FLRT3: variants seen among roughly 807,000 people sequenced by gnomAD.
FLRT3 encodes the protein leucine-rich repeat transmembrane protein FLRT3.
A neutral mutation model predicts 42.6 loss-of-function variants in FLRT3; 17 were observed. The observed-to-expected ratio is 0.40, with a 90% CI of 0.27 to 0.60. The LOEUF is 0.60. FLRT3 is among the 20% of genes least tolerant of loss of function. The pLI is 0.44. For missense variants in FLRT3, 635 were observed against 789.2 expected, an observed-to-expected ratio of 0.80 and a Z score of 2.34; for synonymous variants, 279 against 286.4, an observed-to-expected ratio of 0.97 and a Z score of 0.26.
intron 1 of FLRT3, among the ~76,000 whole-genome samples, chr20:14,335,447 A>G (rs894593439): frequency 3.9e-5 from 6 of 152,004 alleles, no homozygotes; most frequent in African/African-American, 1.5e-4. Context: ...AGGCTCCTTA[A>G]TTAACACTTG....
chr20:14,326,769 G>T lies in FLRT3; in HGVS notation c.738C>A (p.Gly246=), dbSNP rs151151641. 435 of 1,613,806 alleles carry T rather than the reference G, an allele frequency of 2.7e-4. No individual in the cohort carries two copies. The highest frequency in any genetic ancestry group is 1.9e-3 in the South Asian group (169 of 91,078). ...SLTAAPVNLP[G]TNLRKLYLQD... ...GAAGATAAAGCTTCCTCAGGTTTGTGCCTGGAAGGTTTACTGGTGCAGCAG... is the reference window on the plus strand; with the variant it reads ...GAAGATAAAGCTTCCTCAGGTTTGTTCCTGGAAGGTTTACTGGTGCAGCAG... The change falls in exon 3 of 3, where the codon GGC becomes GGA. Residue 246 remains glycine, a synonymous_variant. Coordinates refer to ENST00000341420, the MANE Select transcript of FLRT3 (RefSeq NM_198391.3). This position sits in a 1 kb window ranked among gnomAD's most constrained non-coding sequence, Gnocchi z 5.5.
In FLRT3 at chr20:14,325,795, C is replaced by T; in HGVS notation, c.1712G>A (p.Arg571Lys). 4.3e-6 allele frequency: 7 copies of T among 1,613,958 alleles called. No homozygotes were observed. The highest frequency in any genetic ancestry group is 4.2e-6 in the Non-Finnish European group (5 of 1,179,880). Residue 571 changes from arginine (R) to lysine (K), a missense_variant, in exon 3 of 3, where the codon AGA becomes AAA. Coordinates refer to ENST00000341420, the MANE Select transcript of FLRT3 (RefSeq NM_198391.3). ...RNCAYSKGRR[R>K]KDDYAEAGTK... ...GCCAGCTTCTGCATAGTCATCCTTT[C>T]TTCTCCTCCCTTTGCTATATGCACA...
intron 2 of FLRT3, among the ~76,000 whole-genome samples, chr20:14,327,773 A>C (rs967309365): frequency 3.3e-5 from 5 of 152,158 alleles, no homozygotes; most frequent in Non-Finnish European, 5.9e-5. Flanking sequence ...TTTATAAATT[A>C]AAAAGTATCT....
chr20:14,331,423 A>G (rs1568562105), intron 1 of FLRT3, among the ~76,000 whole-genome samples: 1 of 152,134 alleles, frequency 6.6e-6, no homozygotes, highest in Non-Finnish European at 1.5e-5. Flanking sequence ...CACATTTGCC[A>G]TTCATACAAT....
intron 1 of FLRT3, among the ~76,000 whole-genome samples, chr20:14,335,575 C>T (rs1229169639): frequency 6.6e-6 from 1 of 152,050 alleles, no homozygotes; most frequent in African/African-American, 2.4e-5. Flanking sequence ...ATCTCACAAA[C>T]GTTATGTTTG....
rs2082691504 is a variant in FLRT3, at chr20:14,323,757, G to A, written c.*1800C>T. ...CCAGAAACAGGGACAAAGAGAAAGT[G>A]TGTATTTCACAGTATCACAAATGCC... On this transcript the variant is annotated 3_prime_UTR_variant, in exon 3 of 3. Coordinates refer to ENST00000341420, the MANE Select transcript of FLRT3 (RefSeq NM_198391.3). 6.6e-6 allele frequency: 1 copy of A among 152,166 alleles called. No individual in the cohort carries two copies. The highest frequency in any genetic ancestry group is 1.5e-5 in the Non-Finnish European group (1 of 68,034). The allele number at this position is 152,166 out of a possible 1,614,324, so 9.4% of individuals were successfully genotyped here. A position where few individuals can be genotyped will look rare whatever the true frequency, so the allele number is the denominator to read the frequency against.
chr20:14,326,201 A>G lies in FLRT3; in HGVS notation c.1306T>C (p.Leu436=), dbSNP rs1199291152. The change falls in exon 3 of 3, where the codon TTG becomes CTG. Residue 436 remains leucine (L), a synonymous_variant. Coordinates refer to ENST00000341420, the MANE Select transcript of FLRT3 (RefSeq NM_198391.3). This position sits in a 1 kb window ranked among gnomAD's most constrained non-coding sequence, Gnocchi z 5.5. ...CCCAGTTTAAGCCAGCTGAGTCTCA[A>G]AGCAGTCATAGGTAGAGCAAGTTTC... ...SWKLALPMTA[L]RLSWLKLGHS... is the part of the protein sequence containing the mutation. The G allele has an allele frequency of 6.2e-7, 1 of 1,613,906 alleles. No homozygotes were observed. The highest frequency in any genetic ancestry group is 1.1e-5 in the South Asian group (1 of 91,074).
Position 14,326,712 on chromosome 20 carries a change from A to C in FLRT3, c.795T>G (p.Asn265Lys). The change falls in exon 3 of 3, where the codon AAT becomes AAG. Residue 265 changes from asparagine (N) to lysine (K), a missense_variant. Coordinates refer to ENST00000341420, the MANE Select transcript of FLRT3 (RefSeq NM_198391.3). The surrounding 1 kb of genome is among the most constrained non-coding windows in gnomAD (Gnocchi z 5.5). ...AGAGCTGCCTTAGATAAGAAAAAGC[A>C]TTTGGGGGCACCCGATTGATGTGGT... The part of the protein sequence containing the change: ...QDNHINRVPP[N>K]AFSYLRQLYR... The C allele has an allele frequency of 6.2e-7, 1 of 1,613,750 alleles. No homozygotes were observed. Among genetic ancestry groups the C allele is most frequent in the Non-Finnish European group, 8.5e-7 (1 of 1,179,818 alleles).
At chr20:14,337,351 A>G (rs1369227918) in intron 1 of FLRT3, 53 bp downstream of exon 1, 1 of 332,916 alleles carries the variant, frequency 3.0e-6, no homozygotes, top group East Asian at 4.4e-5. Flanking sequence ...TAGAGAGTAA[A>G]ACCAAGCAAA....
chr20:14,328,034 T>G (rs1351112090), intron 2 of FLRT3, among the ~76,000 whole-genome samples: 1 of 152,066 alleles, frequency 6.6e-6, no homozygotes, highest in African/African-American at 2.4e-5. Flanking sequence ...GCAAAAACTA[T>G]ACAGGTGTAG....
Position 14,325,488 on chromosome 20 carries a change from G to T in FLRT3, c.*69C>A. ...TTTTCCAGTGTTTTGCAGTAGAACA[G>T]GGTTCCTACCATCACCTCCCTTAGG... On this transcript the variant is annotated 3_prime_UTR_variant, in exon 3 of 3. Coordinates refer to ENST00000341420, the MANE Select transcript of FLRT3 (RefSeq NM_198391.3). The T allele has an allele frequency of 2.7e-6, 4 of 1,481,986 alleles. No individual in the cohort carries two copies. The highest frequency in any genetic ancestry group is 3.6e-6 in the Non-Finnish European group (4 of 1,098,222). The allele number at this position is 1,481,986 out of a possible 1,614,324, so 91.8% of individuals were successfully genotyped here.
At chr20:14,336,294 A>G (rs2122642148) in intron 1 of FLRT3, among the ~76,000 whole-genome samples, 1 of 151,978 alleles carries the variant, frequency 6.6e-6, no homozygotes, top group Non-Finnish European at 1.5e-5. Flanking sequence ...TATTATTAAA[A>G]CCATTAGAGA....
chr20:14,331,666 T>G (rs1186007637), intron 1 of FLRT3, among the ~76,000 whole-genome samples: 1 of 152,134 alleles, frequency 6.6e-6, no homozygotes, highest in Non-Finnish European at 1.5e-5. Flanking sequence ...ATATCTTCTC[T>G]TTCCCATTTA....
intron 2 of FLRT3, among the ~76,000 whole-genome samples, chr20:14,328,094 C>G (rs1045875079): frequency 1.3e-5 from 2 of 152,066 alleles, no homozygotes; most frequent in African/African-American, 4.8e-5. Flanking sequence ...AATAGTTACA[C>G]ACATCTTGAG....
At chr20:14,334,171 G>T (rs957649091) in intron 1 of FLRT3, among the ~76,000 whole-genome samples, 35 of 152,100 alleles carry the variant, frequency 2.3e-4, no homozygotes, top group African/African-American at 8.2e-4. Flanking sequence ...TGTTTTCTCT[G>T]GGGTTTTCGT....
intron 2 of FLRT3, among the ~76,000 whole-genome samples, chr20:14,328,133 T>C (rs937415380): frequency 6.6e-6 from 1 of 152,120 alleles, no homozygotes; most frequent in Non-Finnish European, 1.5e-5. Flanking sequence ...ATAGTTTGCT[T>C]TGATTATTAA....
intron 1 of FLRT3, among the ~76,000 whole-genome samples, chr20:14,334,927 G>C (rs2082910244): frequency 6.6e-6 from 1 of 151,994 alleles, no homozygotes; most frequent in Admixed American, 6.6e-5. Context: ...ACCTTAAAAA[G>C]AGGCATAGAA....
At position 14,337,393 on chromosome 20, in the gene FLRT3, A is replaced by T; in HGVS notation, c.-247+11T>A. 2 of 353,084 alleles carry T rather than the reference A, an allele frequency of 5.7e-6. No homozygotes were observed. The highest frequency in any genetic ancestry group is 1.0e-5 in the Non-Finnish European group (2 of 198,288). 21.9% of individuals were successfully genotyped at this position (353,084 alleles called of 1,614,324 possible). A position where few individuals can be genotyped will look rare whatever the true frequency, so the allele number is the denominator to read the frequency against. On this transcript the variant is annotated intron_variant, in intron 1 of 2. Transcript: ENST00000341420. ...GGGACAATCATAAGAAAAAACATGG[A>T]AAACACTTACCAGGAAGACGAGAAA...
chr20:14,329,043 T>C (rs1402037380), intron 2 of FLRT3, 91 bp downstream of exon 2: 2 of 151,898 alleles, frequency 1.3e-5, no homozygotes, highest in Non-Finnish European at 2.9e-5. Context: ...TAGTAATAGG[T>C]TTTTCAGGCA....
Sources: allele counts gnomAD v4.1 joint callset (sites outside exome capture counted in the v4.1 genomes callset), GRCh38; gene constraint gnomAD v4.1.1; non-coding constraint Gnocchi (gnomAD v3.1); transcripts MANE v1.5; gene names NCBI Gene and HGNC (gene_info 2026-07-23, HGNC 2026-07-21).